LDHC: variants seen among roughly 807,000 people sequenced by gnomAD.
LDHC encodes lactate dehydrogenase C.
LDHC carries 20 observed loss-of-function variants against 30.2 expected under a neutral mutation model. The ratio of observed to expected loss-of-function variants is 0.66; its 90% CI spans 0.47 to 0.96. The LOEUF is 0.96. Ranked by LOEUF, LDHC falls within the 40% of genes least tolerant of loss-of-function variation. The pLI, the probability that LDHC is intolerant of heterozygous loss-of-function variation, is 0.00. For missense variants in LDHC, 362 were observed against 394.9 expected, an observed-to-expected ratio of 0.92 and a Z score of 0.71; for synonymous variants, 139 against 132.7, an observed-to-expected ratio of 1.05 and a Z score of -0.32.
chr11:18,445,155 T>TA (rs1208894726), intron 6 of LDHC, among the ~76,000 whole-genome samples: 1 of 152,188 alleles, frequency 6.6e-6, no homozygotes, highest in Non-Finnish European at 1.5e-5. Context: ...ACACACAGCT[T>TA]ACAACTGTAT....
At chr11:18,447,221 C>G (rs1384725509) in intron 7 of LDHC, among the ~76,000 whole-genome samples, 1 of 151,732 alleles carries the variant, frequency 6.6e-6, no homozygotes, top group East Asian at 1.9e-4. Flanking sequence ...GCAAGCTCCA[C>G]CTCCCAGGTT....
intron 3 of LDHC, 50 bp from the exon 4 acceptor site, chr11:18,429,687 A>G (rs1361066406): frequency 2.7e-6 from 3 of 1,093,440 alleles, no homozygotes; most frequent in Non-Finnish European, 4.1e-6. Context: ...GTTAAGGCAC[A>G]GTGGTTATGG....
intron 3 of LDHC, among the ~76,000 whole-genome samples, chr11:18,420,772 CACA>C (rs1371774712): frequency 1.3e-5 from 2 of 150,026 alleles, no homozygotes; most frequent in Admixed American, 6.6e-5. Flanking sequence ...AAAGTGATCT[CACA>C]TACAAGATCT....
At chr11:18,442,471 C>T (rs1848483008) in intron 6 of LDHC, among the ~76,000 whole-genome samples, 1 of 152,030 alleles carries the variant, frequency 6.6e-6, no homozygotes, top group African/African-American at 2.4e-5. Flanking sequence ...ATAGAAAAGA[C>T]AAGTTAGTAC....
intron 6 of LDHC, among the ~76,000 whole-genome samples, chr11:18,445,385 C>T (rs921449143): frequency 7.9e-5 from 12 of 152,156 alleles, no homozygotes; most frequent in East Asian, 1.9e-4. Flanking sequence ...GATGGGGTTT[C>T]GCTGTGTTGG....
intron 4 of LDHC, among the ~76,000 whole-genome samples, chr11:18,431,701 C>T (rs1028990483): frequency 7.9e-5 from 12 of 151,894 alleles, no homozygotes; most frequent in Admixed American, 1.3e-4. Flanking sequence ...CACACCACCA[C>T]GCCTGGCTAA....
chr11:18,444,618 A>G (rs1399592409), intron 6 of LDHC, among the ~76,000 whole-genome samples: 2 of 47,250 alleles, frequency 4.2e-5, no homozygotes, highest in Admixed American at 2.0e-4. Context: ...ATATATATAT[A>G]TATATATATA....
intron 6 of LDHC, among the ~76,000 whole-genome samples, chr11:18,444,609 T>C (rs1315956541): frequency 2.4e-4 from 6 of 24,678 alleles, no homozygotes; most frequent in Admixed American, 1.9e-3. Flanking sequence ...AGGTGGTATA[T>C]ATATATATAT....
intron 6 of LDHC, among the ~76,000 whole-genome samples, chr11:18,439,985 C>CT (rs1472973304): frequency 6.6e-6 from 1 of 150,482 alleles, no homozygotes; most frequent in Non-Finnish European, 1.5e-5. Flanking sequence ...GAGCAAGACT[C>CT]TGTCTCAGAA....
chr11:18,448,779 T>G (rs1251763402), intron 7 of LDHC, among the ~76,000 whole-genome samples: 1 of 152,052 alleles, frequency 6.6e-6, no homozygotes, highest in Non-Finnish European at 1.5e-5. Context: ...GGAATTCTCT[T>G]TAAACAATCT....
chr11:18,448,671 C>A (rs1426192348), intron 7 of LDHC, among the ~76,000 whole-genome samples: 1 of 151,808 alleles, frequency 6.6e-6, no homozygotes, highest in African/African-American at 2.4e-5. Context: ...TTCCCACTTA[C>A]TTCACTTTTA....
chr11:18,442,253 T>C (rs1848479874), intron 6 of LDHC, among the ~76,000 whole-genome samples: 1 of 152,188 alleles, frequency 6.6e-6, no homozygotes, highest in Admixed American at 6.5e-5. Flanking sequence ...AGTCCACATT[T>C]ATCTTAACTA....
At chr11:18,434,686 A>AG (rs2134062512) in intron 4 of LDHC, 54 bp from the exon 5 acceptor site, 1 of 1,147,342 alleles carries the variant, frequency 8.7e-7, no homozygotes, top group East Asian at 2.4e-5. Context: ...AGGAAAAAAA[A>AG]AATTTTTTTA....
In LDHC at chr11:18,451,147, C is replaced by A; in HGVS notation, c.*20C>A. 1.4e-6 allele frequency: 2 copies of A among 1,413,244 alleles called. No homozygotes were observed. Among genetic ancestry groups the A allele is most frequent in the Non-Finnish European group, 1.9e-6 (2 of 1,062,282 alleles). The allele number at this position is 1,413,244 out of a possible 1,614,324, so 87.5% of individuals were successfully genotyped here. On this transcript the variant is annotated 3_prime_UTR_variant, in exon 8 of 8. Transcript: ENST00000541669. The stretch of plus-strand genomic sequence containing the variant: ...TTTTAAATTAAAGCCTTCTAATGTT[C>A]CACTGTTTGGAGAACAGAAGATAGC...
intron 5 of LDHC, among the ~76,000 whole-genome samples, chr11:18,435,752 A>G (rs1372474277): frequency 6.6e-6 from 1 of 152,194 alleles, no homozygotes; most frequent in African/African-American, 2.4e-5. Context: ...CCAAAATGAA[A>G]TCCGCATCTT....
chr11:18,413,653 G>C (rs1397190596), intron 2 of LDHC, among the ~76,000 whole-genome samples: 1 of 151,362 alleles, frequency 6.6e-6, no homozygotes, highest in Non-Finnish European at 1.5e-5. Context: ...AGTAGAGACG[G>C]GGTTTCATCA....
intron 7 of LDHC, among the ~76,000 whole-genome samples, chr11:18,448,006 G>C (rs1363584235): frequency 1.4e-5 from 2 of 141,772 alleles, no homozygotes; most frequent in Admixed American, 1.5e-4. Flanking sequence ...CCAAGATTGT[G>C]TCACTGCACT....
At chr11:18,447,388 G>A (rs1038454550) in intron 7 of LDHC, among the ~76,000 whole-genome samples, 29 of 152,116 alleles carry the variant, frequency 1.9e-4, no homozygotes, top group African/African-American at 6.5e-4. Flanking sequence ...GCCTGCCTCA[G>A]CCTCCCAAAT....
At chr11:18,414,402 C>T (rs965461912) in intron 2 of LDHC, among the ~76,000 whole-genome samples, 2 of 152,036 alleles carry the variant, frequency 1.3e-5, no homozygotes, top group Admixed American at 6.6e-5. Context: ...AATTCTATTA[C>T]CAGAAAAAGG....
Sources: allele counts gnomAD v4.1 joint callset (sites outside exome capture counted in the v4.1 genomes callset), GRCh38; gene constraint gnomAD v4.1.1; transcripts MANE v1.5; gene names NCBI Gene and HGNC (gene_info 2026-07-23, HGNC 2026-07-21).